The following ADAMTS3 variants were observed in gnomAD, a reference collection of about 807,000 sequenced individuals.
ADAMTS3 encodes A disintegrin and metalloproteinase with thrombospondin motifs 3.
In ADAMTS3, 73 loss-of-function variants were observed where a neutral mutation model predicts 129.0. That is an observed-to-expected ratio of 0.57 (90% CI 0.47 to 0.69). The LOEUF (loss-of-function observed/expected upper bound fraction) is 0.69, where lower values mean the gene tolerates loss of function less well. ADAMTS3 is among the 30% of genes least tolerant of loss of function. The pLI, the probability that ADAMTS3 is intolerant of heterozygous loss-of-function variation, is 0.00. For synonymous variants in ADAMTS3, 477 were observed against 510.8 expected, an observed-to-expected ratio of 0.93 and a Z score of 0.89; for missense variants, 1,457 against 1,514.5, an observed-to-expected ratio of 0.96 and a Z score of 0.63.
intron 3 of ADAMTS3, among the ~76,000 whole-genome samples, chr4:72,491,911 GA>G (rs1719755886): frequency 6.6e-6 from 1 of 151,636 alleles, no homozygotes. Context: ...ATTGTTGGCA[GA>G]TTTTTCATTA....
At chr4:72,529,957 AATATATTATAT>A in intron 3 of ADAMTS3, among the ~76,000 whole-genome samples, 1 of 11,428 alleles carries the variant, frequency 8.8e-5, no homozygotes, top group Non-Finnish European at 1.8e-4. Context: ...TATAATATAT[AATATATTATAT>A]TTATATATAA....
chr4:72,419,164 T>C (rs564928449), intron 3 of ADAMTS3, among the ~76,000 whole-genome samples: 4 of 152,304 alleles, frequency 2.6e-5, no homozygotes, highest in African/African-American at 9.6e-5. Context: ...CTGAAAATAA[T>C]GTGTTCTTTT....
intron 2 of ADAMTS3, among the ~76,000 whole-genome samples, chr4:72,564,956 T>C (rs1338162825): frequency 6.6e-6 from 1 of 152,182 alleles, no homozygotes; most frequent in Admixed American, 6.5e-5. Context: ...TCACCTTTCA[T>C]AACGGGAGAA....
At chr4:72,360,170 A>G (rs920050735) in intron 4 of ADAMTS3, among the ~76,000 whole-genome samples, 5 of 152,096 alleles carry the variant, frequency 3.3e-5, no homozygotes, top group Non-Finnish European at 5.9e-5. Flanking sequence ...TTTACCCACA[A>G]ATAGTCCAAC....
At chr4:72,491,937 T>C (rs2110015750) in intron 3 of ADAMTS3, among the ~76,000 whole-genome samples, 1 of 151,870 alleles carries the variant, frequency 6.6e-6, no homozygotes, top group South Asian at 2.1e-4. Flanking sequence ...TTCAATCATC[T>C]CTTTATTTGT....
At chr4:72,526,350 A>G (rs1720806094) in intron 3 of ADAMTS3, among the ~76,000 whole-genome samples, 2 of 152,126 alleles carry the variant, frequency 1.3e-5, no homozygotes, top group African/African-American at 4.8e-5. Context: ...CTCACCTGCT[A>G]AAGTTAGGGT....
chr4:72,560,466 A>G (rs1721876238), intron 2 of ADAMTS3, among the ~76,000 whole-genome samples: 1 of 152,204 alleles, frequency 6.6e-6, no homozygotes. Flanking sequence ...CTGGATAAAG[A>G]AAATGTGATA....
intron 5 of ADAMTS3, among the ~76,000 whole-genome samples, chr4:72,328,890 A>C (rs977855749): frequency 6.6e-6 from 1 of 152,152 alleles, no homozygotes; most frequent in Non-Finnish European, 1.5e-5. Flanking sequence ...GTCCACAACT[A>C]TCTCTTACGT....
At chr4:72,557,933 T>A (rs1267553007) in intron 2 of ADAMTS3, among the ~76,000 whole-genome samples, 1 of 151,886 alleles carries the variant, frequency 6.6e-6, no homozygotes, top group Non-Finnish European at 1.5e-5. Flanking sequence ...TACTTCTGCT[T>A]ATTTAGCATC....
At chr4:72,459,179 T>G (rs533350678) in intron 3 of ADAMTS3, among the ~76,000 whole-genome samples, 1 of 151,728 alleles carries the variant, frequency 6.6e-6, no homozygotes, top group African/African-American at 2.4e-5. Context: ...GGACTCTGTT[T>G]ACAAAAGAAG....
At chr4:72,432,296 G>T (rs1722720474) in intron 3 of ADAMTS3, among the ~76,000 whole-genome samples, 1 of 151,848 alleles carries the variant, frequency 6.6e-6, no homozygotes, top group Non-Finnish European at 1.5e-5. Context: ...GAAGAGAGAA[G>T]GCAGGTGTTT....
At chr4:72,492,883 T>C (rs1719782701) in intron 3 of ADAMTS3, among the ~76,000 whole-genome samples, 1 of 151,942 alleles carries the variant, frequency 6.6e-6, no homozygotes, top group Admixed American at 6.6e-5. Flanking sequence ...GATAAAACAT[T>C]ATCTAAATAT....
chr4:72,353,457 T>C (rs1397184291), intron 4 of ADAMTS3, among the ~76,000 whole-genome samples: 1 of 151,990 alleles, frequency 6.6e-6, no homozygotes, highest in African/African-American at 2.4e-5. Context: ...AGTTGCTAGC[T>C]GTGTGGATGC....
intron 3 of ADAMTS3, among the ~76,000 whole-genome samples, chr4:72,529,177 A>C (rs1281850180): frequency 6.6e-6 from 1 of 152,202 alleles, no homozygotes; most frequent in African/African-American, 2.4e-5. Flanking sequence ...GGAAAATTTT[A>C]AATTGTTTGA....
At chr4:72,357,138 A>G (rs1720600589) in intron 4 of ADAMTS3, among the ~76,000 whole-genome samples, 1 of 151,986 alleles carries the variant, frequency 6.6e-6, no homozygotes, top group South Asian at 2.1e-4. Flanking sequence ...TGATATTTGG[A>G]TCACCTGAAA....
chr4:72,419,336 G>T (rs1722385993), intron 3 of ADAMTS3, among the ~76,000 whole-genome samples: 1 of 152,146 alleles, frequency 6.6e-6, no homozygotes, highest in Non-Finnish European at 1.5e-5. Context: ...CACAAAATAT[G>T]TATTCAATAA....
intron 2 of ADAMTS3, among the ~76,000 whole-genome samples, chr4:72,566,920 G>A (rs1036159870): frequency 3.9e-5 from 6 of 152,282 alleles, no homozygotes; most frequent in Middle Eastern, 3.4e-3. Flanking sequence ...GTCATCAGAG[G>A]ATTTACCCAA....
chr4:72,389,701 T>TA (rs1560497273), intron 4 of ADAMTS3, among the ~76,000 whole-genome samples: 1 of 152,128 alleles, frequency 6.6e-6, no homozygotes, highest in Non-Finnish European at 1.5e-5. Flanking sequence ...AAGTGACTTT[T>TA]AAAAAAATCT....
At chr4:72,439,488 T>C (rs1379810809) in intron 3 of ADAMTS3, among the ~76,000 whole-genome samples, 1 of 151,724 alleles carries the variant, frequency 6.6e-6, no homozygotes, top group Non-Finnish European at 1.5e-5. Context: ...TTTCCTTTTT[T>C]TAAGATGAAG....
Sources: allele counts gnomAD v4.1 joint callset (sites outside exome capture counted in the v4.1 genomes callset), GRCh38; gene constraint gnomAD v4.1.1; transcripts MANE v1.5; gene names NCBI Gene and HGNC (gene_info 2026-07-23, HGNC 2026-07-21).